PACRG: variants seen among roughly 807,000 people sequenced by gnomAD.
PACRG encodes parkin coregulated.
In PACRG, 29 loss-of-function variants were observed where a neutral mutation model predicts 29.7. The ratio of observed to expected loss-of-function variants is 0.98; its 90% CI spans 0.73 to 1.33. PACRG has a LOEUF of 1.33. PACRG is among the 40% of genes most tolerant of loss of function. The probability of loss-of-function intolerance (pLI) is 0.00; values close to 1 mark genes in which losing one functional copy is unlikely to be tolerated. For missense variants in PACRG, 279 were observed against 316.2 expected (o/e 0.88, Z 0.89); for synonymous variants, 116 against 118.7 (o/e 0.98, Z 0.15).
At position 162,941,135 on chromosome 6, in the gene PACRG, T is replaced by C. The variant is rs575721380; in HGVS notation, c.292-121015T>C. On this transcript the variant is annotated intron_variant, in intron 2 of 4. Coordinates refer to ENST00000366888, the MANE Select transcript of PACRG (RefSeq NM_001080379.2). ...CCGGGTGTCCCCACGGCTTCTAGCC[T>C]TTGGGGTTACCCTCTTCTCTAATAT... 3.9e-4 allele frequency among the ~76,000 whole-genome samples: 60 copies of C among 152,242 alleles called. 1 individual carries two copies. The East Asian group carries it at 0.011, about 29-fold the overall frequency.
intron 4 of PACRG, among the ~76,000 whole-genome samples, chr6:163,313,351 C>T (rs973864810): frequency 6.6e-6 from 1 of 151,852 alleles, no homozygotes; most frequent in Non-Finnish European, 1.5e-5. Flanking sequence ...CCTGCCTTCA[C>T]CCTCACCAAA....
chr6:162,838,449 G>A (rs950746947), intron 2 of PACRG, among the ~76,000 whole-genome samples: 3 of 152,102 alleles, frequency 2.0e-5, no homozygotes, highest in East Asian at 1.9e-4. Context: ...TTTGTTGATC[G>A]GAAATCAGCC....
intron 2 of PACRG, among the ~76,000 whole-genome samples, chr6:163,015,423 C>G (rs1433881167): frequency 6.6e-6 from 1 of 152,120 alleles, no homozygotes; most frequent in Non-Finnish European, 1.5e-5. Flanking sequence ...AGTGTTGAAT[C>G]TGGGGATTGC....
At chr6:163,252,226 G>T (rs1321868463) in intron 4 of PACRG, among the ~76,000 whole-genome samples, 1 of 152,236 alleles carries the variant, frequency 6.6e-6, no homozygotes, top group African/African-American at 2.4e-5. Flanking sequence ...CGCAGCCCCT[G>T]CTGCTGTGAG....
intron 4 of PACRG, among the ~76,000 whole-genome samples, chr6:163,169,970 CTG>C (rs1778994680): frequency 6.6e-6 from 1 of 152,202 alleles, no homozygotes; most frequent in African/African-American, 2.4e-5. Context: ...GTCCCTCCGT[CTG>C]TGTGTTGTTG....
intron 4 of PACRG, among the ~76,000 whole-genome samples, chr6:163,196,544 C>A (rs562054148): frequency 6.6e-6 from 1 of 152,214 alleles, no homozygotes; most frequent in Non-Finnish European, 1.5e-5. Flanking sequence ...AATTACATAA[C>A]AATCTGCTTG....
intron 2 of PACRG, among the ~76,000 whole-genome samples, chr6:163,019,114 C>G (rs1806366276): frequency 6.6e-6 from 1 of 152,094 alleles, no homozygotes; most frequent in African/African-American, 2.4e-5. Context: ...GCAAGTTCTT[C>G]TATTGAGGGG....
At chr6:162,757,526 A>G (rs917419593) in intron 1 of PACRG, among the ~76,000 whole-genome samples, 2 of 151,866 alleles carry the variant, frequency 1.3e-5, no homozygotes, top group Non-Finnish European at 2.9e-5. Flanking sequence ...TGACTAACAC[A>G]GTGAAACCCT....
At chr6:162,747,405 T>A (rs1400711429) in intron 1 of PACRG, among the ~76,000 whole-genome samples, 2 of 34,088 alleles carry the variant, frequency 5.9e-5, no homozygotes, top group African/African-American at 4.4e-4. Flanking sequence ...TATATATGTA[T>A]ATATATATAT....
At chr6:163,234,808 G>A (rs978433812) in intron 4 of PACRG, among the ~76,000 whole-genome samples, 2 of 152,160 alleles carry the variant, frequency 1.3e-5, no homozygotes, top group African/African-American at 4.8e-5. Flanking sequence ...GCTGTCTTGG[G>A]TAAAGCAGTT....
intron 2 of PACRG, among the ~76,000 whole-genome samples, chr6:162,914,190 G>A (rs1796520773): frequency 6.6e-6 from 1 of 151,928 alleles, no homozygotes; most frequent in Admixed American, 6.6e-5. Flanking sequence ...ATATTTTAGG[G>A]TTTACATCTA....
intron 4 of PACRG, chr6:163,101,452 A>G (rs1815080536): frequency 1.1e-6 from 1 of 923,734 alleles, no homozygotes; most frequent in Admixed American, 6.2e-5. Context: ...TAAATATGAT[A>G]AACAATCACC....
intron 4 of PACRG, among the ~76,000 whole-genome samples, chr6:163,149,540 C>T (rs1435434938): frequency 1.3e-5 from 2 of 152,146 alleles, no homozygotes; most frequent in Admixed American, 1.3e-4. Flanking sequence ...CTCCCTAAAG[C>T]AACCGCGTCT....
intron 2 of PACRG, among the ~76,000 whole-genome samples, chr6:163,052,680 C>A (rs1810141765): frequency 1.3e-5 from 2 of 152,196 alleles, no homozygotes; most frequent in South Asian, 2.1e-4. Flanking sequence ...AAACCTCTTT[C>A]ATTTATAAAT....
chr6:163,276,038 T>TC (rs201625457), intron 4 of PACRG, among the ~76,000 whole-genome samples: 4 of 150,602 alleles, frequency 2.7e-5, no homozygotes, highest in African/African-American at 9.9e-5. Context: ...TTTCTTTCTT[T>TC]TTTATTTAGA....
chr6:163,060,855 CA>C (rs1237807625), intron 2 of PACRG: 1 of 151,966 alleles, frequency 6.6e-6, no homozygotes, highest in East Asian at 1.9e-4. Flanking sequence ...CTGGAAGGTA[CA>C]AAAATCTCCC....
chr6:162,903,514 G>A (rs138378642), intron 2 of PACRG, among the ~76,000 whole-genome samples: 7 of 151,804 alleles, frequency 4.6e-5, no homozygotes, highest in Middle Eastern at 3.4e-3. Flanking sequence ...ATGGCGGCAG[G>A]CAAGAGAGAA....
chr6:163,160,506 A>G (rs1952008), intron 4 of PACRG, among the ~76,000 whole-genome samples: 22,478 of 152,188 alleles, frequency 0.15, 1,908 homozygotes, highest in South Asian at 0.22. Flanking sequence ...CTAGGTGAAC[A>G]ATTACTTTCT....
chr6:162,758,423 C>T (rs965026407), intron 1 of PACRG, among the ~76,000 whole-genome samples: 1 of 152,194 alleles, frequency 6.6e-6, no homozygotes, highest in Admixed American at 6.5e-5. Context: ...TATTTTCATC[C>T]TGTGTATAGG....
Sources: gnomAD v4.1 joint callset for allele counts (sites outside exome capture counted in the v4.1 genomes callset) on GRCh38, gnomAD v4.1.1 for gene constraint, MANE v1.5 for transcripts, NCBI Gene and HGNC (gene_info 2026-07-23, HGNC 2026-07-21) for gene names.